Variants in PHF24 observed in about 807,000 individuals in gnomAD.
The protein encoded by PHF24 is PHD finger protein 24, also known as Galpha inhibitory interacting protein.
PHF24 carries 25 observed loss-of-function variants against 42.6 expected under a neutral mutation model. That is an observed-to-expected ratio of 0.59 (90% confidence interval 0.43 to 0.82). The LOEUF is 0.82. PHF24 is among the 40% of genes least tolerant of loss of function. The probability of loss-of-function intolerance (pLI) is 0.00; values close to 1 mark genes in which losing one functional copy is unlikely to be tolerated. For missense variants in PHF24, 470 were observed against 538.1 expected, an observed-to-expected ratio of 0.87 and a Z score of 1.25; for synonymous variants, 185 against 204.8, an observed-to-expected ratio of 0.90 and a Z score of 0.83.
the PHF24 span, chr9:34,833,334 G>GT: frequency 6.4e-7 from 1 of 1,551,174 alleles, no homozygotes; most frequent in South Asian, 1.2e-5. Flanking sequence ...GAGACCGAGT[G>GT]GGCAGAACCC....
chr9:34,934,663 A>T, the PHF24 span, among the ~76,000 whole-genome samples: 14 of 152,288 alleles, frequency 9.2e-5, no homozygotes, highest in African/African-American at 3.4e-4. Context: ...AGAAGTATAC[A>T]GACCTTTCAA....
chr9:34,828,897 C>T, the PHF24 span, among the ~76,000 whole-genome samples: 1 of 138,022 alleles, frequency 7.2e-6, no homozygotes, highest in African/African-American at 2.6e-5. Flanking sequence ...GTGATGTTAT[C>T]CAGTTGCATG....
At chr9:34,683,287 C>T in the PHF24 span, among the ~76,000 whole-genome samples, 1 of 152,256 alleles carries the variant, frequency 6.6e-6, no homozygotes, top group Non-Finnish European at 1.5e-5. Flanking sequence ...TCTCGAACTC[C>T]TGACCTCAGG....
At chr9:34,883,022 A>G in the PHF24 span, among the ~76,000 whole-genome samples, 2 of 152,218 alleles carry the variant, frequency 1.3e-5, no homozygotes, top group African/African-American at 4.8e-5. Flanking sequence ...AGAGATATAG[A>G]TCAATGGAAC....
At chr9:34,918,429 G>T in the PHF24 span, 2 of 527,876 alleles carry the variant, frequency 3.8e-6, no homozygotes, top group Non-Finnish European at 6.8e-6. Context: ...AAAAATCATG[G>T]GGAATTTTTC....
chr9:34,975,864 G>T (rs1185357645), intron 3 of PHF24, among the ~76,000 whole-genome samples: 3 of 151,910 alleles, frequency 2.0e-5, no homozygotes, highest in Non-Finnish European at 4.4e-5. Flanking sequence ...GCACTTCCAA[G>T]AAATCCCTAG....
the PHF24 span, among the ~76,000 whole-genome samples, chr9:34,670,428 AG>A: frequency 1.3e-5 from 2 of 152,226 alleles, no homozygotes; most frequent in African/African-American, 4.8e-5. Context: ...GGCTAGTGTC[AG>A]AAGTGAATTG....
At chr9:34,886,834 GTATCTATC>G in the PHF24 span, among the ~76,000 whole-genome samples, 49 of 148,812 alleles carry the variant, frequency 3.3e-4, no homozygotes, top group African/African-American at 1.1e-3. Context: ...ATGTATCTAT[GTATCTATC>G]TATCTATCTA....
At chr9:34,857,378 C>T in the PHF24 span, among the ~76,000 whole-genome samples, 2 of 152,304 alleles carry the variant, frequency 1.3e-5, no homozygotes, top group South Asian at 2.1e-4. Flanking sequence ...CCTGTGTGCC[C>T]AAGCACTCTG....
the PHF24 span, among the ~76,000 whole-genome samples, chr9:34,927,297 G>A: frequency 5.3e-5 from 8 of 152,166 alleles, no homozygotes; most frequent in Non-Finnish European, 1.2e-4. Flanking sequence ...ACCGTGTGGT[G>A]TGGGCTTGGC....
the PHF24 span, among the ~76,000 whole-genome samples, chr9:34,700,459 A>C: frequency 6.6e-6 from 1 of 152,180 alleles, no homozygotes; most frequent in Non-Finnish European, 1.5e-5. Flanking sequence ...TATGAGAGAA[A>C]GAAGAGGAGA....
At chr9:34,686,637 T>G in the PHF24 span, among the ~76,000 whole-genome samples, 1 of 152,176 alleles carries the variant, frequency 6.6e-6, no homozygotes, top group South Asian at 2.1e-4. Flanking sequence ...TGTCAGATAC[T>G]TTTAGGGAGA....
At chr9:34,721,662 C>T in the PHF24 span, among the ~76,000 whole-genome samples, 37 of 152,282 alleles carry the variant, frequency 2.4e-4, 1 homozygote, top group East Asian at 6.2e-3. Context: ...CCACCTGCCT[C>T]GGCCTCCCAA....
the PHF24 span, among the ~76,000 whole-genome samples, chr9:34,897,020 G>A: frequency 6.6e-6 from 1 of 152,112 alleles, no homozygotes; most frequent in Non-Finnish European, 1.5e-5. Flanking sequence ...GCCAAGTGTA[G>A]TGCTGGGCAC....
the PHF24 span, among the ~76,000 whole-genome samples, chr9:34,826,418 C>T: frequency 5.9e-5 from 9 of 152,210 alleles, no homozygotes; most frequent in Non-Finnish European, 1.2e-4. Context: ...CCAGGTAGAG[C>T]ATTCGGCCCT....
At chr9:34,906,121 G>T in the PHF24 span, among the ~76,000 whole-genome samples, 2 of 152,070 alleles carry the variant, frequency 1.3e-5, no homozygotes, top group Admixed American at 6.5e-5. Flanking sequence ...GTTGTTGAGG[G>T]TGTTGGGGCT....
chr9:34,914,988 A>C, the PHF24 span, among the ~76,000 whole-genome samples: 5 of 114,240 alleles, frequency 4.4e-5, no homozygotes, highest in Non-Finnish European at 5.4e-5. Flanking sequence ...GACAGGTCTC[A>C]CCATATTGCC....
the PHF24 span, among the ~76,000 whole-genome samples, chr9:34,734,016 A>G: frequency 1.3e-5 from 2 of 152,236 alleles, no homozygotes; most frequent in African/African-American, 4.8e-5. Flanking sequence ...TAGAAAGGAA[A>G]GTTGGAAGTA....
the PHF24 span, among the ~76,000 whole-genome samples, chr9:34,678,863 C>T: frequency 6.6e-6 from 1 of 152,208 alleles, no homozygotes; most frequent in East Asian, 1.9e-4. Flanking sequence ...CTCCTGACCT[C>T]AGGCGATCCG....
Sources: gnomAD v4.1 joint callset for allele counts (sites outside exome capture counted in the v4.1 genomes callset) on GRCh38, gnomAD v4.1.1 for gene constraint, MANE v1.5 for transcripts, NCBI Gene and HGNC (gene_info 2026-07-23, HGNC 2026-07-21) for gene names.